The following ADGRG7 variants were observed in gnomAD, a reference collection of about 807,000 sequenced individuals.
The protein encoded by ADGRG7 is G-protein coupled receptor 128.
ADGRG7 carries 82 observed loss-of-function variants against 88.6 expected under a neutral mutation model. The observed-to-expected ratio is 0.93, with a 90% CI of 0.77 to 1.11. The LOEUF is 1.11. Ranked by LOEUF, ADGRG7 falls within the 50% of genes most tolerant of loss-of-function variation. The probability of loss-of-function intolerance (pLI) is 0.00; values close to 1 mark genes in which losing one functional copy is unlikely to be tolerated. For missense variants in ADGRG7, 945 were observed against 953.4 expected (o/e 0.99, Z 0.12); for synonymous variants, 381 against 345.2 (o/e 1.10, Z -1.15).
At chr3:100,686,779 C>G (rs910339099) in intron 15 of ADGRG7, among the ~76,000 whole-genome samples, 1 of 152,158 alleles carries the variant, frequency 6.6e-6, no homozygotes, top group Non-Finnish European at 1.5e-5. Flanking sequence ...ATTACTGTAG[C>G]CTTGTAGTAT....
At position 100,629,632 on chromosome 3, in the gene ADGRG7, G is replaced by T. The variant is rs201385508; in HGVS notation, c.150G>T (p.Glu50Asp). 1 of 1,613,026 alleles carries T rather than the reference G, an allele frequency of 6.2e-7. No individual in the cohort carries two copies. Residue 50 changes from glutamate to aspartate, a missense_variant, in exon 2 of 16, where the codon GAG becomes GAT. By Grantham distance (45) the Glu-to-Asp change is conservative (BLOSUM62 2). Transcript: ENST00000273352. ...CTTCCTCATCAAGCACCCCTACAGA[G>T]TTCTGCAGGAATGGTGGAACCTGGG... ...KSTSSSSTPT[E>D]FCRNGGTWEN...
chr3:100,621,133 C>T (rs1006660366), intron 1 of ADGRG7, among the ~76,000 whole-genome samples: 7 of 152,036 alleles, frequency 4.6e-5, no homozygotes, highest in East Asian at 1.9e-4. Context: ...TGGCAAATCC[C>T]TCAACTCTCA....
intron 5 of ADGRG7, among the ~76,000 whole-genome samples, chr3:100,636,997 A>T (rs1707554150): frequency 6.6e-6 from 1 of 152,194 alleles, no homozygotes. Context: ...TTTGAATCCA[A>T]GCATTTGATT....
chr3:100,669,050 A>G lies in ADGRG7; in HGVS notation c.2081A>G (p.Asp694Gly), dbSNP rs764957830. Residue 694 changes from aspartate (D) to glycine (G), a missense_variant, in exon 15 of 16, where the codon GAT (aspartate) becomes GGT (glycine). Transcript: ENST00000273352. ...WILAYLMLVNDDSIRIVFSYI... is the reference protein window; with the variant it reads ...WILAYLMLVNGDSIRIVFSYI... ...CTAGCATACCTGATGCTAGTTAATG[A>G]TGATAGCATCAGGATCGTCTTCAGC... The G allele has an allele frequency of 6.2e-7, 1 of 1,603,524 alleles. No homozygotes were observed. Among genetic ancestry groups the G allele is most frequent in the South Asian group, 1.1e-5 (1 of 88,096 alleles).
intron 15 of ADGRG7, among the ~76,000 whole-genome samples, chr3:100,685,389 T>C (rs1285505843): frequency 1.3e-5 from 2 of 152,202 alleles, no homozygotes; most frequent in African/African-American, 4.8e-5. Flanking sequence ...TTTATTATTA[T>C]TATACTTTAA....
At chr3:100,624,910 C>G (rs149268653) in intron 1 of ADGRG7, among the ~76,000 whole-genome samples, 1 of 152,220 alleles carries the variant, frequency 6.6e-6, no homozygotes, top group East Asian at 1.9e-4. Context: ...TGTTTTGGCA[C>G]CAGTACCATG....
chr3:100,657,302 A>T (rs749511639), intron 13 of ADGRG7, among the ~76,000 whole-genome samples: 45 of 152,118 alleles, frequency 3.0e-4, no homozygotes, highest in Non-Finnish European at 4.4e-4. Flanking sequence ...GAAACTCAGG[A>T]GGGATTATTT....
chr3:100,694,655 G>T (rs2094999173), intron 15 of ADGRG7, 89 bp from the exon 16 acceptor site: 2 of 1,226,774 alleles, frequency 1.6e-6, no homozygotes, highest in Non-Finnish European at 2.3e-6. Context: ...GTGCAGATGA[G>T]AAGGTTGGGT....
chr3:100,629,471 A>G, intron 1 of ADGRG7, 127 bp from the exon 2 acceptor site: 1 of 612,926 alleles, frequency 1.6e-6, no homozygotes, highest in East Asian at 2.8e-5. Context: ...ATGATATTAC[A>G]AAGAATATTT....
chr3:100,627,730 TTGAC>T (rs2149015998), intron 1 of ADGRG7, among the ~76,000 whole-genome samples: 1 of 152,322 alleles, frequency 6.6e-6, no homozygotes, highest in South Asian at 2.1e-4. Context: ...TTTCAGCAGT[TTGAC>T]TGACTGTGAA....
intron 15 of ADGRG7, among the ~76,000 whole-genome samples, chr3:100,682,616 C>T (rs1319347492): frequency 1.3e-5 from 2 of 152,202 alleles, no homozygotes; most frequent in African/African-American, 4.8e-5. Flanking sequence ...ATGAGCCAGG[C>T]AAGGGGGAGC....
chr3:100,689,444 T>C (rs137970220), intron 15 of ADGRG7, among the ~76,000 whole-genome samples: 1,553 of 152,320 alleles, frequency 0.01, 25 homozygotes, highest in African/African-American at 0.036. Flanking sequence ...TTTTGCTCGT[T>C]AGTTGATGCA....
chr3:100,676,954 C>T (rs1349149303), intron 15 of ADGRG7, among the ~76,000 whole-genome samples: 1 of 151,864 alleles, frequency 6.6e-6, no homozygotes, highest in Non-Finnish European at 1.5e-5. Flanking sequence ...TATCTTTCTC[C>T]ATCCATTTAT....
In ADGRG7 at chr3:100,691,027, C is replaced by T. The variant is rs184282037; in HGVS notation, c.2137-3717C>T. 2.6e-3 allele frequency among the ~76,000 whole-genome samples: 390 copies of T among 152,338 alleles called. 3 individuals are homozygous for T. Among genetic ancestry groups the T allele is most frequent in the African/African-American group, 8.8e-3 (364 of 41,582 alleles). Reference sequence around the variant, plus strand: ...TGGGCTCCACCTAGTTCGAGCTTCCCGGTGCCTTTGTTTACCTACTCAAGC... The same window carrying T: ...TGGGCTCCACCTAGTTCGAGCTTCCTGGTGCCTTTGTTTACCTACTCAAGC... On this transcript the variant is annotated intron_variant, in intron 15 of 15. Transcript: ENST00000273352.
chr3:100,611,283 C>CTTT (rs1559666857), intron 1 of ADGRG7, among the ~76,000 whole-genome samples: 1 of 142,898 alleles, frequency 7.0e-6, no homozygotes, highest in African/African-American at 2.6e-5. Flanking sequence ...TTCCTTCCTT[C>CTTT]CTTCCTTCCT....
chr3:100,679,400 G>T (rs998423946), intron 15 of ADGRG7, among the ~76,000 whole-genome samples: 2 of 152,206 alleles, frequency 1.3e-5, no homozygotes, highest in African/African-American at 4.8e-5. Context: ...AGGAGCCGAG[G>T]CCTGGAATCA....
chr3:100,655,804 C>A, intron 12 of ADGRG7, 95 bp from the exon 13 acceptor site: 2 of 754,644 alleles, frequency 2.7e-6, no homozygotes, highest in Non-Finnish European at 4.6e-6. Context: ...AACATACATC[C>A]TGAAGAGGGT....
intron 4 of ADGRG7, among the ~76,000 whole-genome samples, chr3:100,634,950 A>G (rs926370479): frequency 5.9e-5 from 9 of 152,088 alleles, no homozygotes; most frequent in Non-Finnish European, 1.3e-4. Context: ...TGAATAGCCT[A>G]TAACACTGGT....
At chr3:100,637,749 A>C (rs1264412629) in intron 6 of ADGRG7, among the ~76,000 whole-genome samples, 1 of 152,228 alleles carries the variant, frequency 6.6e-6, no homozygotes, top group Non-Finnish European at 1.5e-5. Context: ...ACATAGAGCT[A>C]CAGAGAACAG....
Sources: allele counts gnomAD v4.1 joint callset (sites outside exome capture counted in the v4.1 genomes callset), GRCh38; gene constraint gnomAD v4.1.1; transcripts MANE v1.5; gene names NCBI Gene and HGNC (gene_info 2026-07-23, HGNC 2026-07-21).